The following SPIRE1 variants were observed in gnomAD, a reference collection of about 807,000 sequenced individuals.
SPIRE1 encodes protein spire homolog 1.
Under a neutral mutation model 94.1 loss-of-function variants are expected in SPIRE1, and 40 were observed. The observed-to-expected ratio is 0.43, with a 90% CI of 0.33 to 0.55. SPIRE1 has a LOEUF of 0.55. Among genes scored for constraint, SPIRE1 ranks in the 20% least tolerant of loss-of-function variants. SPIRE1 has a pLI of 0.06. For missense variants in SPIRE1, 838 were observed against 975.2 expected (o/e 0.86, Z 1.87); for synonymous variants, 376 against 371.7 (o/e 1.01, Z -0.13).
In SPIRE1 at chr18:12,496,081, G is replaced by A. The variant is rs1409888147; in HGVS notation, c.994C>T (p.Arg332Trp). ...KVMVNGDIPP[R>W]LKKSAHEIIL... ...ATTTCATGAGCACTCTTTTTTAACC[G>A]AGGGGGAATATCACCATTCACCTAA... Residue 332 changes from arginine (R) to tryptophan (W), a missense_variant, in exon 7 of 17, where the codon CGG (arginine) becomes TGG (tryptophan). Around this residue, in one of 2 missense-constraint regions of SPIRE1, gnomAD observed 645 missense variants for 804.7 expected, o/e 0.80. Transcript: ENST00000409402. 13 of 1,613,106 alleles carry A rather than the reference G, an allele frequency of 8.1e-6. No homozygotes were observed. The highest frequency in any genetic ancestry group is 2.2e-5 in the East Asian group (1 of 44,852).
At chr18:12,632,471 C>A (rs1241535117) in intron 2 of SPIRE1, among the ~76,000 whole-genome samples, 1 of 152,162 alleles carries the variant, frequency 6.6e-6, no homozygotes, top group Non-Finnish European at 1.5e-5. Context: ...AAAAGTAGTT[C>A]CCTCTGGCTC....
intron 2 of SPIRE1, among the ~76,000 whole-genome samples, chr18:12,553,756 C>T (rs999038051): frequency 1.3e-5 from 2 of 152,006 alleles, no homozygotes; most frequent in Admixed American, 1.3e-4. Flanking sequence ...TTCAAATAAA[C>T]AACCTAAAAA....
At chr18:12,657,276 A>G (rs2038571941) in intron 1 of SPIRE1, among the ~76,000 whole-genome samples, 1 of 152,052 alleles carries the variant, frequency 6.6e-6, no homozygotes, top group Non-Finnish European at 1.5e-5. Context: ...CCGCAGGCCC[A>G]GGCCCACCCA....
At chr18:12,625,770 T>C (rs533435208) in intron 2 of SPIRE1, among the ~76,000 whole-genome samples, 6 of 152,176 alleles carry the variant, frequency 3.9e-5, no homozygotes, top group South Asian at 2.1e-4. Context: ...GGGCGGGGCA[T>C]GGTAGCTCAT....
intron 4 of SPIRE1, among the ~76,000 whole-genome samples, chr18:12,534,789 C>T (rs1377749878): frequency 6.6e-6 from 1 of 152,128 alleles, no homozygotes; most frequent in Non-Finnish European, 1.5e-5. Context: ...GAACTCCTGG[C>T]CTCAAGTGAT....
At chr18:12,595,250 G>C (rs879609167) in intron 2 of SPIRE1, among the ~76,000 whole-genome samples, 1 of 152,140 alleles carries the variant, frequency 6.6e-6, no homozygotes, top group Non-Finnish European at 1.5e-5. Flanking sequence ...AGGCTGCAGT[G>C]AGCTATGATT....
At chr18:12,454,853 G>T (rs1392387647) in intron 12 of SPIRE1, among the ~76,000 whole-genome samples, 1 of 151,932 alleles carries the variant, frequency 6.6e-6, no homozygotes, top group Non-Finnish European at 1.5e-5. Flanking sequence ...TGTGTCAGTT[G>T]TCTTCTACAC....
chr18:12,489,102 G>T (rs549324005), intron 8 of SPIRE1, among the ~76,000 whole-genome samples: 52 of 152,218 alleles, frequency 3.4e-4, no homozygotes, highest in African/African-American at 6.0e-4. Flanking sequence ...GCAGGAGAAT[G>T]GTGTCAACCT....
chr18:12,595,887 C>T (rs965415345), intron 2 of SPIRE1, among the ~76,000 whole-genome samples: 2 of 152,156 alleles, frequency 1.3e-5, no homozygotes, highest in Non-Finnish European at 2.9e-5. Context: ...TAGAAAGTCA[C>T]ATTTATCCCA....
rs1598893259 is a variant in SPIRE1, at chr18:12,462,047, T to A, written c.1638+1304A>T. ...ACGTTTGAATCTGTCTGGTCAGAGT[T>A]CTGTTTTCTTGTTGGTAAGTCACTG... is the stretch of plus-strand genomic sequence containing the variant. On this transcript the variant is annotated intron_variant, in intron 12 of 16. Transcript: ENST00000409402. 2.0e-5 allele frequency among the ~76,000 whole-genome samples: 3 copies of A among 152,220 alleles called. No individual in the cohort carries two copies. In the South Asian group the frequency reaches 6.2e-4, roughly 31 times the overall value.
chr18:12,615,557 T>C (rs1256375225), intron 2 of SPIRE1, among the ~76,000 whole-genome samples: 3 of 85,970 alleles, frequency 3.5e-5, no homozygotes, highest in Non-Finnish European at 5.9e-5. Context: ...AAAAAAAAAA[T>C]CCCAAATTTT....
At chr18:12,516,715 T>C (rs1232927335) in intron 4 of SPIRE1, among the ~76,000 whole-genome samples, 5 of 152,212 alleles carry the variant, frequency 3.3e-5, no homozygotes, top group African/African-American at 4.8e-5. Context: ...TTTGGTAGAA[T>C]AGTGTGAGAA....
chr18:12,616,711 GGAA>G (rs1287300603), intron 2 of SPIRE1, among the ~76,000 whole-genome samples: 2 of 152,162 alleles, frequency 1.3e-5, no homozygotes, highest in Non-Finnish European at 2.9e-5. Context: ...ATAAATTACA[GGAA>G]GAAGAGAGAA....
At chr18:12,543,111 A>G (rs1295792829) in intron 3 of SPIRE1, among the ~76,000 whole-genome samples, 7 of 152,212 alleles carry the variant, frequency 4.6e-5, no homozygotes, top group African/African-American at 1.7e-4. Context: ...TACAGGCGTG[A>G]GCCACCATGT....
At chr18:12,550,119 G>A (rs1412073136) in intron 2 of SPIRE1, among the ~76,000 whole-genome samples, 1 of 152,120 alleles carries the variant, frequency 6.6e-6, no homozygotes, top group Non-Finnish European at 1.5e-5. Flanking sequence ...CAGTGGAGGA[G>A]TAGGTCTTCT....
chr18:12,591,056 C>T (rs1026927056), intron 2 of SPIRE1, among the ~76,000 whole-genome samples: 1 of 152,030 alleles, frequency 6.6e-6, no homozygotes, highest in African/African-American at 2.4e-5. Context: ...AATTACAGTA[C>T]ATTAGAAGGC....
chr18:12,498,309 G>C (rs2033532743), intron 6 of SPIRE1, among the ~76,000 whole-genome samples: 1 of 152,174 alleles, frequency 6.6e-6, no homozygotes, highest in South Asian at 2.1e-4. Flanking sequence ...AATGAGAAAT[G>C]ATTCCTGGAT....
chr18:12,604,546 T>C (rs1017300024), intron 2 of SPIRE1, among the ~76,000 whole-genome samples: 1 of 152,174 alleles, frequency 6.6e-6, no homozygotes, highest in East Asian at 1.9e-4. Flanking sequence ...TGCCCTAATA[T>C]ATCCTAATAT....
At chr18:12,626,034 A>G in intron 2 of SPIRE1, among the ~76,000 whole-genome samples, 1 of 109,868 alleles carries the variant, frequency 9.1e-6, no homozygotes, top group African/African-American at 3.0e-5. Context: ...CATTCCCCAC[A>G]CCGCCCCGCC....
Sources: gnomAD v4.1 joint callset for allele counts (sites outside exome capture counted in the v4.1 genomes callset) on GRCh38, gnomAD v4.1.1 for gene constraint, gnomAD v4.1.1 regional missense constraint, MANE v1.5 for transcripts, NCBI Gene and HGNC (gene_info 2026-07-23, HGNC 2026-07-21) for gene names.